Variants in FAT3 observed in about 807,000 individuals in gnomAD.
FAT3 encodes the protein FAT atypical cadherin 3, also known as protocadherin Fat 3.
Under a neutral mutation model 310.2 loss-of-function variants are expected in FAT3, and 95 were observed. That is an observed-to-expected ratio of 0.31 (90% CI 0.26 to 0.36). The LOEUF (loss-of-function observed/expected upper bound fraction) is 0.36. FAT3 is among the 10% of genes least tolerant of loss of function. The pLI is 1.00. For missense variants in FAT3, 5,408 were observed against 5,715.6 expected (o/e 0.95, Z 1.74); for synonymous variants, 2,314 against 2,192.9 (o/e 1.06, Z -1.54).
rs914201047 is a variant in FAT3 at position 92,893,248 on chromosome 11, C to G, written c.*2135C>G. ...TTTTCCAGCCTTTCTCTTCCTGTCT[C>G]TTGGTCAGACCTACTCATGGAGGTA... On this transcript the variant is annotated 3_prime_UTR_variant, in exon 28 of 28. Transcript: ENST00000525166. 1.3e-5 allele frequency: 2 copies of G among 152,132 alleles called. No homozygotes were observed. The highest frequency in any genetic ancestry group is 2.9e-5 in the Non-Finnish European group (2 of 68,022). The allele number at this position is 152,132 out of a possible 1,614,324, so 9.4% of individuals were successfully genotyped here.
chr11:92,826,166 A>G (rs1948099544), intron 13 of FAT3, among the ~76,000 whole-genome samples: 1 of 152,140 alleles, frequency 6.6e-6, no homozygotes, highest in South Asian at 2.1e-4. Context: ...AAAGACAGAA[A>G]CCTTCCACTT....
At chr11:92,727,995 G>T (rs1386385736) in intron 4 of FAT3, among the ~76,000 whole-genome samples, 2 of 149,564 alleles carry the variant, frequency 1.3e-5, no homozygotes, top group Non-Finnish European at 2.9e-5. Flanking sequence ...CTGGCCAGTG[G>T]TGGCACTCCT....
At chr11:92,285,562 C>T (rs1946541355) in intron 1 of FAT3, among the ~76,000 whole-genome samples, 1 of 152,084 alleles carries the variant, frequency 6.6e-6, no homozygotes, top group South Asian at 2.1e-4. Context: ...TGAGGGGCAA[C>T]ACAAGTGGCT....
At chr11:92,562,730 A>G in intron 3 of FAT3, among the ~76,000 whole-genome samples, 1 of 152,156 alleles carries the variant, frequency 6.6e-6, no homozygotes, top group Admixed American at 6.5e-5. Flanking sequence ...TGAAGGCCCA[A>G]GAACCATAAA....
chr11:92,884,479 T>C (rs1565678838), intron 24 of FAT3, among the ~76,000 whole-genome samples: 1 of 152,090 alleles, frequency 6.6e-6, no homozygotes, highest in Non-Finnish European at 1.5e-5. Context: ...TCAGGACAAA[T>C]GGCTTTGTAT....
At chr11:92,543,090 C>T (rs577010356) in intron 3 of FAT3, among the ~76,000 whole-genome samples, 3 of 152,092 alleles carry the variant, frequency 2.0e-5, no homozygotes, top group African/African-American at 4.8e-5. Flanking sequence ...AGACAAATAC[C>T]GCATGATCTC....
chr11:92,841,584 C>T (rs1230670564), intron 18 of FAT3, among the ~76,000 whole-genome samples: 1 of 152,182 alleles, frequency 6.6e-6, no homozygotes, highest in Non-Finnish European at 1.5e-5. Flanking sequence ...ATCTGCTCCT[C>T]CAACAATATT....
At chr11:92,734,564 T>A (rs988422260) in intron 4 of FAT3, among the ~76,000 whole-genome samples, 3 of 152,172 alleles carry the variant, frequency 2.0e-5, no homozygotes, top group Admixed American at 2.0e-4. Context: ...GTTATCATAA[T>A]AATAATGCAC....
chr11:92,674,026 C>A (rs1591593692), intron 3 of FAT3, among the ~76,000 whole-genome samples: 1 of 151,772 alleles, frequency 6.6e-6, no homozygotes, highest in Non-Finnish European at 1.5e-5. Context: ...ACTAAAAATA[C>A]AAAAATTAGC....
chr11:92,656,332 T>C (rs1942579702), intron 3 of FAT3, among the ~76,000 whole-genome samples: 1 of 152,234 alleles, frequency 6.6e-6, no homozygotes, highest in South Asian at 2.1e-4. Flanking sequence ...TCTACCATAG[T>C]GCTGATCTAG....
At chr11:92,781,121 C>T (rs1356146152) in intron 7 of FAT3, among the ~76,000 whole-genome samples, 4 of 136,032 alleles carry the variant, frequency 2.9e-5, no homozygotes, top group African/African-American at 1.1e-4. Flanking sequence ...GTCGCCCAGG[C>T]TGGAGTACAG....
At chr11:92,598,583 C>A (rs1297758767) in intron 3 of FAT3, among the ~76,000 whole-genome samples, 1 of 152,024 alleles carries the variant, frequency 6.6e-6, no homozygotes, top group Non-Finnish European at 1.5e-5. Flanking sequence ...ATGCATTTAT[C>A]CTCATTTTAT....
At chr11:92,568,628 A>G (rs1306305322) in intron 3 of FAT3, among the ~76,000 whole-genome samples, 1 of 152,138 alleles carries the variant, frequency 6.6e-6, no homozygotes, top group African/African-American at 2.4e-5. Flanking sequence ...TCCATTGCTA[A>G]CAGAATAAAG....
intron 1 of FAT3, among the ~76,000 whole-genome samples, chr11:92,290,866 C>T (rs1162806335): frequency 6.6e-6 from 1 of 151,992 alleles, no homozygotes; most frequent in Non-Finnish European, 1.5e-5. Flanking sequence ...TTTAGCTGCA[C>T]ACCAGCCACT....
At chr11:92,448,338 C>A (rs1444252776) in intron 2 of FAT3, among the ~76,000 whole-genome samples, 2 of 151,940 alleles carry the variant, frequency 1.3e-5, no homozygotes, top group Non-Finnish European at 2.9e-5. Flanking sequence ...ATGTGCATTT[C>A]TATTTAAGAG....
intron 1 of FAT3, among the ~76,000 whole-genome samples, chr11:92,292,936 C>T (rs1377428857): frequency 1.3e-5 from 2 of 151,644 alleles, no homozygotes; most frequent in African/African-American, 2.4e-5. Flanking sequence ...TTGCTTGAGC[C>T]TAGGAGTTGG....
chr11:92,478,595 G>C (rs185769294), intron 2 of FAT3, among the ~76,000 whole-genome samples: 1 of 151,650 alleles, frequency 6.6e-6, no homozygotes, highest in African/African-American at 2.4e-5. Flanking sequence ...GAGATAAACA[G>C]AAACGATGCA....
intron 5 of FAT3, among the ~76,000 whole-genome samples, chr11:92,762,772 A>G (rs1036438035): frequency 1.3e-5 from 2 of 152,208 alleles, no homozygotes; most frequent in South Asian, 2.1e-4. Flanking sequence ...CTGTATCTAC[A>G]GTGCCAGTGT....
intron 7 of FAT3, among the ~76,000 whole-genome samples, chr11:92,787,121 T>G (rs978487733): frequency 6.6e-6 from 1 of 151,896 alleles, no homozygotes; most frequent in Admixed American, 6.6e-5. Context: ...CTACTAAATG[T>G]CCCCCGGAAG....
Sources: allele counts gnomAD v4.1 joint callset (sites outside exome capture counted in the v4.1 genomes callset), GRCh38; gene constraint gnomAD v4.1.1; transcripts MANE v1.5; gene names NCBI Gene and HGNC (gene_info 2026-07-23, HGNC 2026-07-21).